The following CCDC146 variants were observed in gnomAD, a reference collection of about 807,000 sequenced individuals.
The protein encoded by CCDC146 is coiled-coil domain-containing protein 146.
CCDC146 carries 92 observed loss-of-function variants against 119.3 expected under a neutral mutation model. The ratio of observed to expected loss-of-function variants is 0.77; its 90% CI spans 0.65 to 0.92. The LOEUF is 0.92. Among genes scored for constraint, CCDC146 ranks in the 40% least tolerant of loss-of-function variants. The pLI is 0.00. For synonymous variants in CCDC146, 372 were observed against 371.8 expected, an observed-to-expected ratio of 1.00 and a Z score of -0.01; for missense variants, 1,000 against 1,103.0, an observed-to-expected ratio of 0.91 and a Z score of 1.32.
chr7:77,246,803 T>C (rs1381958832), intron 4 of CCDC146, among the ~76,000 whole-genome samples: 1 of 152,232 alleles, frequency 6.6e-6, no homozygotes, highest in African/African-American at 2.4e-5. Flanking sequence ...TTGGAAAAGT[T>C]GCTTAACTCC....
chr7:77,264,292 C>T (rs1053778274), intron 9 of CCDC146, among the ~76,000 whole-genome samples: 7 of 152,000 alleles, frequency 4.6e-5, no homozygotes, highest in Admixed American at 3.3e-4. Context: ...GACAGTCTTG[C>T]TTTGCTGCCC....
chr7:77,139,387 C>A (rs1200585384), intron 1 of CCDC146, among the ~76,000 whole-genome samples: 2 of 152,156 alleles, frequency 1.3e-5, no homozygotes, highest in East Asian at 1.9e-4. Flanking sequence ...ATAGGCAGAG[C>A]ACAAAGGATT....
intron 2 of CCDC146, among the ~76,000 whole-genome samples, chr7:77,191,514 A>G (rs1248853797): frequency 6.6e-6 from 1 of 152,218 alleles, no homozygotes; most frequent in Admixed American, 6.5e-5. Flanking sequence ...AACTTAGACA[A>G]TATTGAATAA....
intron 1 of CCDC146, among the ~76,000 whole-genome samples, chr7:77,131,538 C>T (rs1790785424): frequency 1.3e-5 from 2 of 151,872 alleles, no homozygotes; most frequent in Non-Finnish European, 2.9e-5. Flanking sequence ...GCCAACGTGG[C>T]GAAACCACGT....
chr7:77,280,717 A>G, intron 14 of CCDC146, 64 bp downstream of exon 14: 1 of 1,127,902 alleles, frequency 8.9e-7, no homozygotes, highest in Non-Finnish European at 1.3e-6. Flanking sequence ...CTCTTTTTCT[A>G]TCTAGACTTG....
At chr7:77,161,638 G>A (rs1038000224) in intron 1 of CCDC146, among the ~76,000 whole-genome samples, 28 of 120,472 alleles carry the variant, frequency 2.3e-4, no homozygotes, top group Middle Eastern at 5.4e-3. Flanking sequence ...GGACTGTTGT[G>A]GGGTGGGGGG....
intron 1 of CCDC146, among the ~76,000 whole-genome samples, chr7:77,143,545 T>C (rs1790968767): frequency 6.6e-6 from 1 of 152,050 alleles, no homozygotes; most frequent in Admixed American, 6.5e-5. Flanking sequence ...TTTTTATGGT[T>C]TTAGGTCTAA....
intron 9 of CCDC146, among the ~76,000 whole-genome samples, chr7:77,263,554 G>T (rs770936234): frequency 2.0e-5 from 3 of 152,328 alleles, no homozygotes; most frequent in East Asian, 3.9e-4. Flanking sequence ...TGAAAAAATC[G>T]GTTAGGGTTA....
intron 2 of CCDC146, among the ~76,000 whole-genome samples, chr7:77,222,166 C>T (rs1231894008): frequency 6.6e-6 from 1 of 152,206 alleles, no homozygotes; most frequent in Non-Finnish European, 1.5e-5. Flanking sequence ...TATTCTGCTC[C>T]CAAGTTCCAT....
intron 1 of CCDC146, among the ~76,000 whole-genome samples, chr7:77,148,996 C>G (rs898091201): frequency 6.6e-6 from 1 of 152,014 alleles, no homozygotes; most frequent in African/African-American, 2.4e-5. Context: ...TTATATGGAA[C>G]CAAAAAAGAG....
chr7:77,286,737 T>G, intron 15 of CCDC146, 61 bp from the exon 16 acceptor site: 1 of 1,564,452 alleles, frequency 6.4e-7, no homozygotes, highest in Non-Finnish European at 8.7e-7. Flanking sequence ...CTAGGCAATG[T>G]GATTTTCAGA....
Position 77,256,482 on chromosome 7 carries a change from A to G in CCDC146, c.657A>G (p.Glu219=). 6.2e-7 allele frequency: 1 copy of G among 1,605,704 alleles called. No homozygotes were observed. ...TAAAAGAGCAGAAGGAACTAGAAGAATTGTTGGGACATCAGGTCGTCCTAA... is the reference window on the plus strand; with the variant it reads ...TAAAAGAGCAGAAGGAACTAGAAGAGTTGTTGGGACATCAGGTCGTCCTAA... ...QLLKEQKELE[E]LLGHQVVLKD... The change falls in exon 6 of 19, where the codon GAA becomes GAG. Residue 219 remains glutamate (E), a synonymous_variant. Transcript: ENST00000285871.
rs530623012 is a variant in CCDC146, at chr7:77,286,932, C to T, written c.2277+6C>T. 84 of 1,613,948 alleles carry T rather than the reference C, an allele frequency of 5.2e-5. No individual in the cohort carries two copies. In the East Asian group the frequency reaches 1.8e-3, roughly 35 times the overall value. The stretch of plus-strand genomic sequence containing the variant: ...TGATCCAAAAATTAGACAAGGTAAA[C>T]ATTATTGCTTAAAATTGCATCTGTT... On this transcript the variant is annotated splice_donor_region_variant and intron_variant, in intron 16 of 18. Coordinates refer to ENST00000285871, the MANE Select transcript of CCDC146 (RefSeq NM_020879.3).
intron 9 of CCDC146, 138 bp from the exon 10 acceptor site, chr7:77,273,556 T>A: frequency 2.4e-6 from 1 of 410,996 alleles, no homozygotes; most frequent in Non-Finnish European, 4.4e-6. Flanking sequence ...AGTCTCACTC[T>A]GTCACCCAGG....
At chr7:77,165,544 C>T (rs1474986017) in intron 1 of CCDC146, among the ~76,000 whole-genome samples, 1 of 152,028 alleles carries the variant, frequency 6.6e-6, no homozygotes, top group Non-Finnish European at 1.5e-5. Context: ...TCACAGAGTC[C>T]CAAGGCAGCC....
intron 16 of CCDC146, 73 bp from the exon 17 acceptor site, chr7:77,287,367 C>G: frequency 6.6e-7 from 1 of 1,507,096 alleles, no homozygotes. Context: ...GGAGATACTG[C>G]TCTAATTAGG....
intron 14 of CCDC146, among the ~76,000 whole-genome samples, chr7:77,281,512 A>T (rs753439351): frequency 6.6e-6 from 1 of 152,230 alleles, no homozygotes; most frequent in South Asian, 2.1e-4. Context: ...GACATCTGGT[A>T]TCAGATTTTT....
chr7:77,173,533 G>A (rs1356498957), intron 2 of CCDC146, among the ~76,000 whole-genome samples: 1 of 152,134 alleles, frequency 6.6e-6, no homozygotes, highest in African/African-American at 2.4e-5. Flanking sequence ...GGAGGCTGAG[G>A]CAGGAGAATT....
intron 1 of CCDC146, among the ~76,000 whole-genome samples, chr7:77,160,457 T>G (rs897158154): frequency 1.3e-5 from 2 of 152,218 alleles, no homozygotes; most frequent in African/African-American, 4.8e-5. Flanking sequence ...AGCAGTGGTT[T>G]GTAGTTCTCC....
Sources: allele counts gnomAD v4.1 joint callset (sites outside exome capture counted in the v4.1 genomes callset), GRCh38; gene constraint gnomAD v4.1.1; transcripts MANE v1.5; gene names NCBI Gene and HGNC (gene_info 2026-07-23, HGNC 2026-07-21).